The following FHIP1A variants were observed in gnomAD, a reference collection of about 807,000 sequenced individuals.
FHIP1A encodes FHF complex subunit HOOK interacting protein 1A, also known as FHF complex subunit HOOK-interacting protein 1A.
In FHIP1A, 61 loss-of-function variants were observed where a neutral mutation model predicts 88.6. That is an observed-to-expected ratio of 0.69 (90% confidence interval 0.56 to 0.85). The LOEUF is 0.85. Among genes scored for constraint, FHIP1A ranks in the 40% least tolerant of loss-of-function variants. FHIP1A has a pLI of 0.00. For missense variants in FHIP1A, 1,154 were observed against 1,273.5 expected (o/e 0.91, Z 1.43); for synonymous variants, 478 against 496.0 (o/e 0.96, Z 0.48).
intron 1 of FHIP1A, among the ~76,000 whole-genome samples, chr4:151,440,314 T>C (rs899549352): frequency 1.3e-5 from 2 of 152,178 alleles, no homozygotes; most frequent in African/African-American, 4.8e-5. Context: ...CCAAACCATG[T>C]CAGTAAGCTT....
intron 3 of FHIP1A, among the ~76,000 whole-genome samples, chr4:151,549,254 A>C (rs1732627886): frequency 6.6e-6 from 1 of 152,194 alleles, no homozygotes; most frequent in African/African-American, 2.4e-5. Flanking sequence ...AAAGTTGTTT[A>C]GTGAAACTAG....
At chr4:151,482,032 A>G (rs1729914520) in intron 2 of FHIP1A, among the ~76,000 whole-genome samples, 1 of 152,178 alleles carries the variant, frequency 6.6e-6, no homozygotes. Context: ...TGCCCGTTGG[A>G]TGGCGAAAAC....
intron 7 of FHIP1A, among the ~76,000 whole-genome samples, chr4:151,595,231 A>G (rs1185907672): frequency 6.6e-6 from 1 of 152,126 alleles, no homozygotes; most frequent in Non-Finnish European, 1.5e-5. Flanking sequence ...TTGTGTCTTT[A>G]TTCCCATTGG....
chr4:151,569,562 A>G (rs2126777498), intron 4 of FHIP1A, among the ~76,000 whole-genome samples: 1 of 152,222 alleles, frequency 6.6e-6, no homozygotes, highest in East Asian at 1.9e-4. Flanking sequence ...TAAAAAAAAA[A>G]AGGAAAAAAT....
chr4:151,595,098 G>A (rs1734597250), intron 7 of FHIP1A, among the ~76,000 whole-genome samples: 1 of 152,086 alleles, frequency 6.6e-6, no homozygotes, highest in Non-Finnish European at 1.5e-5. Flanking sequence ...TGCTTCTCTA[G>A]TTCTTTTCAT....
chr4:151,633,968 G>A (rs565525831), intron 8 of FHIP1A, among the ~76,000 whole-genome samples: 1 of 151,794 alleles, frequency 6.6e-6, no homozygotes, highest in African/African-American at 2.4e-5. Context: ...CATTTAAATT[G>A]GATAGAAAGA....
At chr4:151,512,572 T>G (rs182998874) in intron 3 of FHIP1A, among the ~76,000 whole-genome samples, 1 of 152,244 alleles carries the variant, frequency 6.6e-6, no homozygotes, top group African/African-American at 2.4e-5. Context: ...TAGACGACTG[T>G]ATAACTGGAA....
At chr4:151,646,435 T>C in intron 9 of FHIP1A, 123 bp from the exon 10 acceptor site, 2 of 631,594 alleles carry the variant, frequency 3.2e-6, no homozygotes, top group Admixed American at 2.7e-5. Flanking sequence ...AGATGATCAA[T>C]TGAGAGCTGA....
At chr4:151,537,776 T>C (rs1732123614) in intron 3 of FHIP1A, among the ~76,000 whole-genome samples, 1 of 152,188 alleles carries the variant, frequency 6.6e-6, no homozygotes, top group African/African-American at 2.4e-5. Context: ...ATATCCTTTG[T>C]TTTGTTAACA....
At chr4:151,640,980 C>T (rs182763738) in intron 9 of FHIP1A, among the ~76,000 whole-genome samples, 1 of 151,608 alleles carries the variant, frequency 6.6e-6, no homozygotes, top group Non-Finnish European at 1.5e-5. Context: ...ATAGTCATTT[C>T]TAGGGTGGGT....
intron 1 of FHIP1A, among the ~76,000 whole-genome samples, chr4:151,428,104 A>G (rs1418396134): frequency 2.6e-5 from 4 of 152,186 alleles, no homozygotes; most frequent in Non-Finnish European, 5.9e-5. Flanking sequence ...TGTGCAAAGA[A>G]GTAATGTTTA....
chr4:151,551,022 G>A (rs986633952), intron 3 of FHIP1A, among the ~76,000 whole-genome samples: 14 of 152,308 alleles, frequency 9.2e-5, no homozygotes, highest in East Asian at 3.9e-4. Flanking sequence ...GCTTAATCAC[G>A]GGCAAAGCAG....
In FHIP1A at chr4:151,516,819, T is replaced by G. The variant is rs577303237; in HGVS notation, c.-123+34171T>G. On this transcript the variant is annotated intron_variant, in intron 3 of 13. Coordinates refer to ENST00000435205, the MANE Select transcript of FHIP1A (RefSeq NM_001109977.3). The stretch of plus-strand genomic sequence containing the variant: ...AGGAAACAACAGGTGCTGGAGAGGA[T>G]ATGGAGAAATAGGAACACTTTTCCA... Among the ~76,000 whole-genome samples, 9 of 151,588 alleles carry G rather than the reference T, an allele frequency of 5.9e-5. No homozygotes were observed. The South Asian group carries it at 1.9e-3, about 32-fold the overall frequency.
chr4:151,491,465 C>T (rs943962630), intron 3 of FHIP1A, among the ~76,000 whole-genome samples: 1 of 152,158 alleles, frequency 6.6e-6, no homozygotes, highest in South Asian at 2.1e-4. Context: ...ACCAAGCAAG[C>T]ACTATAAGAA....
chr4:151,578,725 T>C (rs1005823897), intron 5 of FHIP1A, among the ~76,000 whole-genome samples: 1 of 152,168 alleles, frequency 6.6e-6, no homozygotes, highest in Non-Finnish European at 1.5e-5. Context: ...TGCCATGTGG[T>C]CCAGCAATTG....
intron 1 of FHIP1A, chr4:151,436,434 C>T (rs1383141615): frequency 6.6e-6 from 1 of 152,158 alleles, no homozygotes; most frequent in African/African-American, 2.4e-5. Flanking sequence ...ATGTTGGCTG[C>T]AGCAAAGCTT....
At chr4:151,603,569 G>A (rs1734957830) in intron 7 of FHIP1A, among the ~76,000 whole-genome samples, 1 of 152,080 alleles carries the variant, frequency 6.6e-6, no homozygotes, top group Non-Finnish European at 1.5e-5. Flanking sequence ...AAAAAGCTCT[G>A]GGGCTGAGTA....
chr4:151,464,906 G>C (rs181451699), intron 2 of FHIP1A, among the ~76,000 whole-genome samples: 112 of 152,268 alleles, frequency 7.4e-4, no homozygotes, highest in Admixed American at 7.2e-3. Context: ...TCCAAAACTT[G>C]TTAGAATACA....
intron 1 of FHIP1A, among the ~76,000 whole-genome samples, chr4:151,440,330 A>C (rs1728357466): frequency 6.6e-6 from 1 of 152,166 alleles, no homozygotes; most frequent in Non-Finnish European, 1.5e-5. Context: ...AGCTTCATGA[A>C]AGCAGGGGTC....
Sources: gnomAD v4.1 joint callset for allele counts (sites outside exome capture counted in the v4.1 genomes callset) on GRCh38, gnomAD v4.1.1 for gene constraint, MANE v1.5 for transcripts, NCBI Gene and HGNC (gene_info 2026-07-23, HGNC 2026-07-21) for gene names.